Variants in GPR19 observed in about 807,000 individuals in gnomAD.
GPR19 encodes G protein-coupled receptor 19, also known as probable G protein-coupled receptor 19.
GPR19 carries 14 observed loss-of-function variants against 28.5 expected under a neutral mutation model. That is an observed-to-expected ratio of 0.49 (90% CI 0.32 to 0.77). The LOEUF (loss-of-function observed/expected upper bound fraction) is 0.77, where lower values mean the gene tolerates loss of function less well. Among genes scored for constraint, GPR19 ranks in the 30% least tolerant of loss-of-function variants. The probability of loss-of-function intolerance (pLI) is 0.03; values close to 1 mark genes in which losing one functional copy is unlikely to be tolerated. For missense variants in GPR19, 409 were observed against 504.1 expected, an observed-to-expected ratio of 0.81 and a Z score of 1.81; for synonymous variants, 173 against 184.1, an observed-to-expected ratio of 0.94 and a Z score of 0.49.
At chr12:12,682,366 T>G (rs1477947840) in intron 3 of GPR19, among the ~76,000 whole-genome samples, 1 of 152,154 alleles carries the variant, frequency 6.6e-6, no homozygotes, top group Non-Finnish European at 1.5e-5. Context: ...TACACATGTG[T>G]CTCCTCACTG....
At chr12:12,702,822 T>C in the GPR19 span, among the ~76,000 whole-genome samples, 1 of 152,144 alleles carries the variant, frequency 6.6e-6, no homozygotes, top group African/African-American at 2.4e-5. Flanking sequence ...GTGATAAAGG[T>C]GTTAAAAAAT....
In GPR19 at chr12:12,664,816, A is replaced by T. The variant is rs1945738317; in HGVS notation, c.-22-2346T>A. ...GCGCCTGTGGTCCCAGCTACTCGGG[A>T]GGCTGAGGCAGGAGAATCGCTTGAA... On this transcript the variant is annotated intron_variant, in intron 3 of 3. Coordinates refer to ENST00000651487, the MANE Select transcript of GPR19 (RefSeq NM_006143.3). Among the ~76,000 whole-genome samples, 3 of 147,390 alleles carry T rather than the reference A, an allele frequency of 2.0e-5. No homozygotes were observed. In the East Asian group the frequency reaches 6.5e-4, roughly 32 times the overall value.
chr12:12,703,466 A>C, the GPR19 span: 1 of 969,604 alleles, frequency 1.0e-6, no homozygotes, highest in Non-Finnish European at 1.2e-6. Flanking sequence ...AATGGTAATC[A>C]AAGATTCCCA....
At chr12:12,699,209 G>C (rs1946300924), upstream of GPR19, among the ~76,000 whole-genome samples, 1 of 152,080 alleles carries the variant, frequency 6.6e-6, no homozygotes, top group East Asian at 2.0e-4. Context: ...GGGCGTGGTG[G>C]TGCACACCTG....
the GPR19 span, among the ~76,000 whole-genome samples, chr12:12,713,085 C>CA: frequency 1.7e-5 from 2 of 117,914 alleles, no homozygotes; most frequent in Non-Finnish European, 3.3e-5. Flanking sequence ...TTTTTTAAGA[C>CA]AGAGTCTCAC....
At chr12:12,704,443 A>C in the GPR19 span, among the ~76,000 whole-genome samples, 1 of 152,232 alleles carries the variant, frequency 6.6e-6, no homozygotes, top group African/African-American at 2.4e-5. Flanking sequence ...CAGAGGTTAC[A>C]GTGAGCCGAG....
intron 3 of GPR19, among the ~76,000 whole-genome samples, chr12:12,672,030 G>T (rs1945860761): frequency 6.6e-6 from 1 of 152,196 alleles, no homozygotes; most frequent in South Asian, 2.1e-4. Flanking sequence ...TATGAGAAGG[G>T]CCGGGTGAAG....
At chr12:12,709,444 T>G in the GPR19 span, among the ~76,000 whole-genome samples, 2 of 152,134 alleles carry the variant, frequency 1.3e-5, no homozygotes, top group Non-Finnish European at 2.9e-5. Flanking sequence ...CTGAAGATAG[T>G]GTCCTTTTGT....
chr12:12,687,417 G>C (rs1198266878), intron 2 of GPR19, among the ~76,000 whole-genome samples: 1 of 152,182 alleles, frequency 6.6e-6, no homozygotes, highest in African/African-American at 2.4e-5. Flanking sequence ...CCCAAAGCAT[G>C]CAGAGTTTTA....
chr12:12,690,535 A>G (rs959244700), intron 2 of GPR19, among the ~76,000 whole-genome samples: 1 of 152,186 alleles, frequency 6.6e-6, no homozygotes, highest in African/African-American at 2.4e-5. Flanking sequence ...AGGAGACCAC[A>G]TGGTCTACTG....
intron 2 of GPR19, among the ~76,000 whole-genome samples, chr12:12,685,549 C>T (rs1000533122): frequency 1.3e-5 from 2 of 152,030 alleles, no homozygotes; most frequent in African/African-American, 4.8e-5. Flanking sequence ...CTTTTAAAAC[C>T]GGTCGCCATG....
At chr12:12,702,460 G>A in the GPR19 span, among the ~76,000 whole-genome samples, 2 of 152,030 alleles carry the variant, frequency 1.3e-5, no homozygotes, top group African/African-American at 2.4e-5. Flanking sequence ...AGTATGTACT[G>A]GTGGGTTTTT....
At chr12:12,667,920 G>A (rs1945805850) in intron 3 of GPR19, among the ~76,000 whole-genome samples, 2 of 152,230 alleles carry the variant, frequency 1.3e-5, no homozygotes, top group Middle Eastern at 3.4e-3. Context: ...TATATGAATG[G>A]GTGGATATGT....
chr12:12,686,662 T>C (rs1047990538), intron 2 of GPR19, among the ~76,000 whole-genome samples: 5 of 152,178 alleles, frequency 3.3e-5, no homozygotes, highest in Non-Finnish European at 5.9e-5. Context: ...GTGTGGGAGC[T>C]AGGATTTGGA....
chr12:12,700,036 C>T (rs1468571195), upstream of GPR19, among the ~76,000 whole-genome samples: 1 of 146,866 alleles, frequency 6.8e-6, no homozygotes, highest in African/African-American at 2.5e-5. Flanking sequence ...TGGTCTTGAA[C>T]ACCTGGCCTC....
intron 3 of GPR19, among the ~76,000 whole-genome samples, chr12:12,673,159 C>T (rs1945877338): frequency 6.6e-6 from 1 of 152,196 alleles, no homozygotes; most frequent in Non-Finnish European, 1.5e-5. Context: ...ATAATTTCCC[C>T]ACCATCCCTT....
intron 3 of GPR19, among the ~76,000 whole-genome samples, chr12:12,682,412 T>C (rs533473851): frequency 1.3e-5 from 2 of 152,308 alleles, no homozygotes; most frequent in South Asian, 2.1e-4. Context: ...AAAACAGGCA[T>C]GGACTCCCAA....
At position 12,662,177 on chromosome 12, in the gene GPR19, T is replaced by C. The variant is rs374351316; in HGVS notation, c.272A>G (p.His91Arg). 2.5e-5 allele frequency: 40 copies of C among 1,614,250 alleles called. No individual in the cohort carries two copies. The highest frequency in any genetic ancestry group is 3.3e-5 in the Non-Finnish European group (39 of 1,180,034). Residue 91 changes from histidine to arginine, a missense_variant, in exon 4 of 4, where the codon CAT becomes CGT. Transcript: ENST00000651487. ...GGTAGACTGAGTCCTCCTACTCCTATGGATGACCAAACAAACCAGGGAATT... is the reference window on the plus strand; with the variant it reads ...GGTAGACTGAGTCCTCCTACTCCTACGGATGACCAAACAAACCAGGGAATT... ...FGNSLVCLVI[H>R]RSRRTQSTTN...
chr12:12,663,609 T>C (rs556991513), intron 3 of GPR19, among the ~76,000 whole-genome samples: 3 of 152,210 alleles, frequency 2.0e-5, no homozygotes, highest in Non-Finnish European at 4.4e-5. Context: ...TTGTGGGTCA[T>C]TCAATTAAAA....
Sources: gnomAD v4.1 joint callset for allele counts (sites outside exome capture counted in the v4.1 genomes callset) on GRCh38, gnomAD v4.1.1 for gene constraint, MANE v1.5 for transcripts, NCBI Gene and HGNC (gene_info 2026-07-23, HGNC 2026-07-21) for gene names.